TNS1: variants seen among roughly 807,000 people sequenced by gnomAD.
TNS1 encodes the protein tensin-1.
In TNS1, 62 loss-of-function variants were observed where a neutral mutation model predicts 168.6. The observed-to-expected ratio is 0.37, with a 90% confidence interval of 0.30 to 0.45. TNS1 has a LOEUF of 0.45. Among genes scored for constraint, TNS1 ranks in the 20% least tolerant of loss-of-function variants. TNS1 has a pLI of 1.00. For synonymous variants in TNS1, 934 were observed against 933.2 expected, an observed-to-expected ratio of 1.00 and a Z score of -0.02; for missense variants, 2,240 against 2,339.4, an observed-to-expected ratio of 0.96 and a Z score of 0.88.
intron 18 of TNS1, among the ~76,000 whole-genome samples, chr2:217,863,802 A>G (rs1165918168): frequency 6.6e-6 from 1 of 152,152 alleles, no homozygotes. Context: ...GGGTCTCCCA[A>G]GATAGGCATG....
intron 4 of TNS1, 40 bp downstream of exon 4, chr2:217,920,155 G>C: frequency 1.4e-6 from 1 of 703,014 alleles, no homozygotes. Context: ...CGGAGGGAGA[G>C]GAGGCAGGGC....
At chr2:217,924,077 T>C (rs1955878848) in intron 3 of TNS1, among the ~76,000 whole-genome samples, 1 of 152,200 alleles carries the variant, frequency 6.6e-6, no homozygotes, top group Non-Finnish European at 1.5e-5. Context: ...CTTCGTTCTA[T>C]GCTCAGCCCC....
At chr2:217,810,831 C>A (rs1424121966) in intron 28 of TNS1, among the ~76,000 whole-genome samples, 2 of 152,008 alleles carry the variant, frequency 1.3e-5, no homozygotes, top group Non-Finnish European at 2.9e-5. Flanking sequence ...ATTGATGTAA[C>A]CCACAATGTA....
At chr2:217,911,578 G>A (rs935979912) in intron 4 of TNS1, among the ~76,000 whole-genome samples, 6 of 152,166 alleles carry the variant, frequency 3.9e-5, no homozygotes, top group South Asian at 2.1e-4. Flanking sequence ...GGCAATGCCC[G>A]GAACACAGTA....
At chr2:217,893,316 C>G in intron 10 of TNS1, 123 bp downstream of exon 10, 2 of 1,430,386 alleles carry the variant, frequency 1.4e-6, no homozygotes, top group Non-Finnish European at 9.2e-7. Context: ...CTTATATGCT[C>G]GCAAAATCCA....
intron 31 of TNS1, 68 bp downstream of exon 31, chr2:217,808,535 G>T: frequency 7.0e-7 from 1 of 1,428,038 alleles, no homozygotes; most frequent in Non-Finnish European, 9.9e-7. Flanking sequence ...ACATGCACAT[G>T]CATGCACCCA....
intron 18 of TNS1, among the ~76,000 whole-genome samples, chr2:217,855,274 C>G (rs942668839): frequency 6.6e-6 from 1 of 152,240 alleles, no homozygotes; most frequent in Non-Finnish European, 1.5e-5. Flanking sequence ...TCTTTCCCCT[C>G]TGTGCATGCT....
intron 4 of TNS1, among the ~76,000 whole-genome samples, chr2:217,909,257 A>G (rs1385280839): frequency 6.6e-6 from 1 of 152,146 alleles, no homozygotes; most frequent in Non-Finnish European, 1.5e-5. Context: ...CTCCTGTGGG[A>G]AGGAAGGGAA....
At chr2:217,933,306 C>T (rs534087794) in intron 3 of TNS1, among the ~76,000 whole-genome samples, 11 of 152,266 alleles carry the variant, frequency 7.2e-5, no homozygotes, top group African/African-American at 2.4e-4. Context: ...AGATTTTAAA[C>T]GGATAGAAGA....
At chr2:218,013,558 C>G (rs150923071), upstream of TNS1, among the ~76,000 whole-genome samples, 747 of 152,314 alleles carry the variant, frequency 4.9e-3, 7 homozygotes, top group African/African-American at 0.017. Flanking sequence ...CCCAGTGCTA[C>G]TTTTGAAGAG....
chr2:217,935,526 G>A lies in TNS1; in HGVS notation c.187-15290C>T, dbSNP rs79839128. On this transcript the variant is annotated intron_variant, in intron 3 of 32. Transcript: ENST00000682258. The stretch of plus-strand genomic sequence containing the variant: ...ACCACTGCCTCCACTCCCACGCTTG[G>A]CCTAGCTCAGCCGGCCACAGCAGAG... Among the ~76,000 whole-genome samples, 245 of 152,272 alleles carry A rather than the reference G, an allele frequency of 1.6e-3. 6 individuals carry two copies. In the East Asian group the frequency reaches 0.044, roughly 28 times the overall value.
Position 217,854,556 on chromosome 2 carries a change from G to C in TNS1, c.1430-5469C>G, listed in dbSNP as rs370482471. 4.6e-5 allele frequency among the ~76,000 whole-genome samples: 7 copies of C among 152,168 alleles called. No individual in the cohort carries two copies. In the East Asian group the frequency reaches 1.2e-3, roughly 25 times the overall value. ...TGCCATGACAATAGGAAGAAGCACCGTGCCTACCCCAGACATAGGCTGTTT... is the reference window on the plus strand; with the variant it reads ...TGCCATGACAATAGGAAGAAGCACCCTGCCTACCCCAGACATAGGCTGTTT... On this transcript the variant is annotated intron_variant, in intron 18 of 32. Coordinates refer to ENST00000682258, the MANE Select transcript of TNS1 (RefSeq NM_001387777.1).
intron 19 of TNS1, among the ~76,000 whole-genome samples, chr2:217,842,686 G>T (rs992762315): frequency 8.5e-5 from 13 of 152,230 alleles, no homozygotes; most frequent in African/African-American, 2.9e-4. Flanking sequence ...ATGCCACACG[G>T]AGTAAAAGCC....
chr2:217,861,634 T>C (rs555303674), intron 18 of TNS1, among the ~76,000 whole-genome samples: 7 of 152,236 alleles, frequency 4.6e-5, no homozygotes, highest in Non-Finnish European at 1.0e-4. Context: ...TACCAACTAC[T>C]AGCTTAAGGC....
chr2:217,994,845 C>T (rs1203637678), intron 1 of TNS1, among the ~76,000 whole-genome samples: 1 of 152,264 alleles, frequency 6.6e-6, no homozygotes, highest in East Asian at 1.9e-4. Context: ...GACATTCCTG[C>T]CCCTCAGCCC....
intron 18 of TNS1, among the ~76,000 whole-genome samples, chr2:217,857,891 C>T (rs1948343600): frequency 6.6e-6 from 1 of 152,156 alleles, no homozygotes; most frequent in Non-Finnish European, 1.5e-5. Flanking sequence ...CTCCAGAGCC[C>T]ACAACAAGCT....
intron 19 of TNS1, among the ~76,000 whole-genome samples, chr2:217,844,535 C>T (rs917572629): frequency 1.3e-5 from 2 of 152,148 alleles, no homozygotes; most frequent in Non-Finnish European, 2.9e-5. Flanking sequence ...CTGTGCTCTC[C>T]TGTCTTCACT....
chr2:217,931,120 T>C (rs1199007038), intron 3 of TNS1, among the ~76,000 whole-genome samples: 3 of 152,094 alleles, frequency 2.0e-5, no homozygotes, highest in Non-Finnish European at 4.4e-5. Context: ...GGAGGGAAAC[T>C]TGTGGCCCGG....
chr2:218,012,597 G>C (rs1958715616), upstream of TNS1, among the ~76,000 whole-genome samples: 1 of 152,168 alleles, frequency 6.6e-6, no homozygotes, highest in Admixed American at 6.5e-5. Context: ...GCCTGCCACT[G>C]CCTGGAGGGT....
Sources: gnomAD v4.1 joint callset for allele counts (sites outside exome capture counted in the v4.1 genomes callset) on GRCh38, gnomAD v4.1.1 for gene constraint, MANE v1.5 for transcripts, NCBI Gene and HGNC (gene_info 2026-07-23, HGNC 2026-07-21) for gene names.